CSMD1: variants seen among roughly 807,000 people sequenced by gnomAD.
The protein encoded by CSMD1 is CUB and sushi domain-containing protein 1.
A neutral mutation model predicts 417.5 loss-of-function variants in CSMD1; 213 were observed. That is an observed-to-expected ratio of 0.51 (90% CI 0.46 to 0.57). The LOEUF is 0.57. Ranked by LOEUF, CSMD1 falls within the 20% of genes least tolerant of loss-of-function variation. The pLI, the probability that CSMD1 is intolerant of heterozygous loss-of-function variation, is 0.00. For synonymous variants in CSMD1, 2,862 were observed against 1,736.8 expected, an observed-to-expected ratio of 1.65 and a Z score of -16.11; for missense variants, 6,923 against 4,529.7, an observed-to-expected ratio of 1.53 and a Z score of -15.17.
intron 12 of CSMD1, among the ~76,000 whole-genome samples, chr8:3,464,925 T>A (rs986017887): frequency 6.6e-6 from 1 of 152,212 alleles, no homozygotes; most frequent in Non-Finnish European, 1.5e-5. Flanking sequence ...ACTTTGCATT[T>A]TTTTCCCCAT....
intron 7 of CSMD1, among the ~76,000 whole-genome samples, chr8:3,675,261 G>A (rs1237555491): frequency 2.0e-5 from 3 of 152,146 alleles, no homozygotes; most frequent in Non-Finnish European, 4.4e-5. Flanking sequence ...TGGCTGGCAT[G>A]TGCGTGCCAT....
intron 3 of CSMD1, among the ~76,000 whole-genome samples, chr8:4,083,276 G>A (rs1266353577): frequency 6.6e-6 from 1 of 152,122 alleles, no homozygotes; most frequent in Non-Finnish European, 1.5e-5. Context: ...TCCAGCACCT[G>A]TCGTTTCCTG....
intron 7 of CSMD1, among the ~76,000 whole-genome samples, chr8:3,707,882 C>G (rs1224316752): frequency 6.6e-6 from 1 of 152,176 alleles, no homozygotes; most frequent in Non-Finnish European, 1.5e-5. Flanking sequence ...CCTCCCACAG[C>G]TATTGATCTG....
At chr8:3,382,378 T>C (rs983111705) in intron 18 of CSMD1, among the ~76,000 whole-genome samples, 2 of 145,742 alleles carry the variant, frequency 1.4e-5, no homozygotes, top group African/African-American at 5.0e-5. Context: ...CCAATAACTT[T>C]AGTAATTAGT....
At chr8:2,942,443 T>C (rs1224143044) in intron 69 of CSMD1, 29 bp downstream of exon 69, 3 of 1,599,862 alleles carry the variant, frequency 1.9e-6, no homozygotes, top group Non-Finnish European at 2.6e-6. Context: ...ACTCACAACA[T>C]TCTCAAACAG....
chr8:4,314,727 C>T (rs558885486), intron 3 of CSMD1, among the ~76,000 whole-genome samples: 1 of 152,280 alleles, frequency 6.6e-6, no homozygotes, highest in South Asian at 2.1e-4. Flanking sequence ...CACATACATC[C>T]TGTTTTCTCA....
chr8:4,383,305 G>A (rs757224311), intron 3 of CSMD1, among the ~76,000 whole-genome samples: 1 of 152,170 alleles, frequency 6.6e-6, no homozygotes, highest in Non-Finnish European at 1.5e-5. Flanking sequence ...ATGTTAGGCG[G>A]TGGGCATGGG....
intron 12 of CSMD1, among the ~76,000 whole-genome samples, chr8:3,427,258 G>A (rs1813906976): frequency 6.6e-6 from 1 of 152,046 alleles, no homozygotes; most frequent in East Asian, 1.9e-4. Flanking sequence ...AGATTTTCAA[G>A]GCCAGCCTAC....
intron 12 of CSMD1, among the ~76,000 whole-genome samples, chr8:3,449,510 C>T (rs1815551762): frequency 6.6e-6 from 1 of 150,948 alleles, no homozygotes; most frequent in African/African-American, 2.4e-5. Flanking sequence ...ACATACCTCT[C>T]ATGACAGCAA....
At chr8:4,444,609 G>A (rs1159024853) in intron 2 of CSMD1, among the ~76,000 whole-genome samples, 3 of 152,092 alleles carry the variant, frequency 2.0e-5, no homozygotes, top group African/African-American at 7.2e-5. Flanking sequence ...TTCTGCACAA[G>A]GGATAGATGC....
chr8:3,962,629 G>A (rs1185975448), intron 5 of CSMD1, among the ~76,000 whole-genome samples: 1 of 152,118 alleles, frequency 6.6e-6, no homozygotes, highest in Non-Finnish European at 1.5e-5. Flanking sequence ...TGGCTGAAAA[G>A]GAGAGCATGG....
chr8:4,660,013 T>G (rs909696946), intron 1 of CSMD1, among the ~76,000 whole-genome samples: 7 of 150,964 alleles, frequency 4.6e-5, no homozygotes, highest in Non-Finnish European at 8.8e-5. Flanking sequence ...TAACTATAAT[T>G]ATACTTAATA....
intron 2 of CSMD1, among the ~76,000 whole-genome samples, chr8:4,589,706 G>C (rs1799890341): frequency 6.6e-6 from 1 of 152,144 alleles, no homozygotes; most frequent in Admixed American, 6.5e-5. Flanking sequence ...GGTACAATTA[G>C]AAACACATGA....
chr8:3,614,997 G>A (rs758440671), intron 8 of CSMD1, among the ~76,000 whole-genome samples: 4 of 152,186 alleles, frequency 2.6e-5, no homozygotes, highest in Non-Finnish European at 4.4e-5. Flanking sequence ...ATAGAATGGG[G>A]AGCCCTTGGA....
chr8:3,634,879 A>G (rs933090981), intron 7 of CSMD1, among the ~76,000 whole-genome samples: 3 of 152,186 alleles, frequency 2.0e-5, no homozygotes, highest in Non-Finnish European at 4.4e-5. Context: ...AATCCTAGAT[A>G]GTAGAGCCTG....
chr8:3,747,305 T>C (rs1176473810), intron 6 of CSMD1, among the ~76,000 whole-genome samples: 2 of 152,240 alleles, frequency 1.3e-5, no homozygotes, highest in South Asian at 4.1e-4. Flanking sequence ...GGTAATTTTA[T>C]GTGGCCCCAT....
chr8:4,200,367 A>T lies in CSMD1; in HGVS notation c.416-168268T>A, dbSNP rs982836978. ...TCTGCTTAGCAAAGCATGATTTTTT[A>T]AAAGAAATACAACTTTAAAAAGCAG... On this transcript the variant is annotated intron_variant, in intron 3 of 69. Transcript: ENST00000635120. Among the ~76,000 whole-genome samples the T allele has an allele frequency of 2.6e-5, 4 of 152,198 alleles. No homozygotes were observed. In the South Asian group the frequency reaches 8.3e-4, roughly 31 times the overall value.
chr8:4,875,018 C>T (rs182829226), intron 1 of CSMD1, among the ~76,000 whole-genome samples: 3 of 151,060 alleles, frequency 2.0e-5, no homozygotes, highest in Admixed American at 6.6e-5. Context: ...TCCTTTTCTC[C>T]CTTCCTCTTC....
chr8:3,798,526 G>A (rs13271279), intron 5 of CSMD1, among the ~76,000 whole-genome samples: 5,154 of 152,160 alleles, frequency 0.034, 120 homozygotes, highest in Middle Eastern at 0.058. Context: ...AGGAAAGACA[G>A]CAAAGATCAT....
Sources: gnomAD v4.1 joint callset for allele counts (sites outside exome capture counted in the v4.1 genomes callset) on GRCh38, gnomAD v4.1.1 for gene constraint, MANE v1.5 for transcripts, NCBI Gene and HGNC (gene_info 2026-07-23, HGNC 2026-07-21) for gene names.